The following ACOT7 variants were observed in gnomAD, a reference collection of about 807,000 sequenced individuals.
The protein encoded by ACOT7 is acyl-CoA thioesterase 7.
Under a neutral mutation model 40.2 loss-of-function variants are expected in ACOT7, and 12 were observed. That is an observed-to-expected ratio of 0.30 (90% CI 0.19 to 0.48). The LOEUF (loss-of-function observed/expected upper bound fraction) is 0.48. Among genes scored for constraint, ACOT7 ranks in the 20% least tolerant of loss-of-function variants. The pLI is 0.99. For synonymous variants in ACOT7, 228 were observed against 219.5 expected, an observed-to-expected ratio of 1.04 and a Z score of -0.34; for missense variants, 395 against 530.8, an observed-to-expected ratio of 0.74 and a Z score of 2.51.
intron 1 of ACOT7, among the ~76,000 whole-genome samples, chr1:6,386,261 C>A (rs1642439549): frequency 6.6e-6 from 1 of 152,200 alleles, no homozygotes; most frequent in African/African-American, 2.4e-5. Context: ...CCTGGGCCTA[C>A]CCCTCCCTGA....
intron 8 of ACOT7, among the ~76,000 whole-genome samples, chr1:6,266,681 C>T (rs954559085): frequency 1.3e-5 from 2 of 152,284 alleles, no homozygotes; most frequent in Non-Finnish European, 2.9e-5. Context: ...CCTCCCCTTC[C>T]CCTGTGGAAT....
chr1:6,383,518 T>C (rs185570235), intron 1 of ACOT7, among the ~76,000 whole-genome samples: 1 of 148,902 alleles, frequency 6.7e-6, no homozygotes, highest in African/African-American at 2.5e-5. Flanking sequence ...GTAAATTATA[T>C]ATTATGTGTA....
intron 7 of ACOT7, among the ~76,000 whole-genome samples, chr1:6,293,654 T>C (rs1210137849): frequency 6.6e-6 from 1 of 152,152 alleles, no homozygotes; most frequent in Non-Finnish European, 1.5e-5. Flanking sequence ...TGAGCAGGGA[T>C]TGCACCACTG....
rs139415395 is a variant in ACOT7 at position 6,300,780 on chromosome 1, G to A, written c.713-5800C>T. Among the ~76,000 whole-genome samples the A allele has an allele frequency of 5.6e-3, 810 of 145,406 alleles. 4 individuals carry two copies. The highest frequency in any genetic ancestry group is 8.1e-3 in the Non-Finnish European group (535 of 65,908). On this transcript the variant is annotated intron_variant, in intron 6 of 8. Transcript: ENST00000361521. ...CGGCCCCTCCCCTCTCCACAAACACGGAATCTCACCGGACAGCACCCTATC... is the reference window on the plus strand; with the variant it reads ...CGGCCCCTCCCCTCTCCACAAACACAGAATCTCACCGGACAGCACCCTATC...
chr1:6,368,778 C>T (rs1056074299), intron 1 of ACOT7, among the ~76,000 whole-genome samples: 8 of 152,142 alleles, frequency 5.3e-5, no homozygotes, highest in South Asian at 4.1e-4. Flanking sequence ...GTCAGCTGCC[C>T]GGGGAATGCA....
At position 6,306,482 on chromosome 1, in the gene ACOT7, G is replaced by A; in HGVS notation, c.713-11502C>T. ...CACCATCTCGGGGTTCAAGGTTCAA[G>A]TTCACCAGTCCCCACGTCCCGCTCC... is the stretch of plus-strand genomic sequence containing the variant. On this transcript the variant is annotated intron_variant, in intron 6 of 8. Coordinates refer to ENST00000361521, the MANE Select transcript of ACOT7 (RefSeq NM_007274.4). This position sits in a 1 kb window ranked among gnomAD's most constrained non-coding sequence, Gnocchi z 4.3. 5.1e-6 allele frequency: 5 copies of A among 985,294 alleles called. No homozygotes were observed. Among genetic ancestry groups the A allele is most frequent in the Non-Finnish European group, 6.0e-6 (5 of 829,904 alleles). 61.0% of individuals were successfully genotyped at this position (985,294 alleles called of 1,614,324 possible).
At chr1:6,292,877 C>G (rs1373622764) in intron 7 of ACOT7, among the ~76,000 whole-genome samples, 4 of 144,362 alleles carry the variant, frequency 2.8e-5, no homozygotes, top group Non-Finnish European at 6.0e-5. Flanking sequence ...GCTGGAAAGT[C>G]TATTTCTTTT....
At chr1:6,267,804 C>G (rs1638896169) in intron 8 of ACOT7, among the ~76,000 whole-genome samples, 1 of 152,224 alleles carries the variant, frequency 6.6e-6, no homozygotes, top group Non-Finnish European at 1.5e-5. Flanking sequence ...TCTCTTCATT[C>G]CGCCTGGAAA....
intron 6 of ACOT7, among the ~76,000 whole-genome samples, chr1:6,298,741 GTCTC>G (rs1458168148): frequency 6.6e-6 from 1 of 152,200 alleles, no homozygotes; most frequent in Non-Finnish European, 1.5e-5. Flanking sequence ...GGCTCTCCTG[GTCTC>G]TCTCCCATGG....
chr1:6,384,105 T>G (rs532562478), intron 1 of ACOT7, among the ~76,000 whole-genome samples: 150 of 151,976 alleles, frequency 9.9e-4, no homozygotes, highest in African/African-American at 3.4e-3. Flanking sequence ...ATTAAAAAAT[T>G]TTATCTGAGA....
chr1:6,297,615 T>C (rs1321282911), intron 6 of ACOT7, among the ~76,000 whole-genome samples: 1 of 152,190 alleles, frequency 6.6e-6, no homozygotes, highest in African/African-American at 2.4e-5. Flanking sequence ...TGTGGGCATC[T>C]GGACTCTACC....
rs772551653 is a variant in ACOT7, at chr1:6,281,268, G to A, written c.848C>T (p.Ser283Leu). 199 of 1,613,278 alleles carry A rather than the reference G, an allele frequency of 1.2e-4. No homozygotes were observed. Among genetic ancestry groups the A allele is most frequent in the Non-Finnish European group, 1.6e-4 (194 of 1,179,948 alleles). ...ATTGCTCGTGAAGGTCATGCGTCCC[G>A]AGATGGTGATGACGCAGCCTGTGGA... is the stretch of plus-strand genomic sequence containing the variant. ...KIRKGCVITI[S>L]GRMTFTSNKS... is the part of the protein sequence containing the mutation. The change falls in exon 8 of 9, where the codon TCG becomes TTG. Residue 283 changes from serine to leucine, a missense_variant. Ser to Leu is a moderately radical substitution (Grantham distance 145). Transcript: ENST00000361521.
Position 6,327,221 on chromosome 1 carries a change from C to T in ACOT7, c.625+78G>A, listed in dbSNP as rs112529674. 7.0e-3 allele frequency: 9,967 copies of T among 1,429,070 alleles called. 52 individuals are homozygous for T. Among genetic ancestry groups the T allele is most frequent in the Non-Finnish European group, 8.5e-3 (8,707 of 1,029,300 alleles). 88.5% of individuals were successfully genotyped at this position (1,429,070 alleles called of 1,614,324 possible). A position where few individuals can be genotyped will look rare whatever the true frequency, so the allele number is the denominator to read the frequency against. On this transcript the variant is annotated intron_variant, in intron 5 of 8. Transcript: ENST00000361521. ...TGGGGAACCTCAAGCATGAGGCTCA[C>T]GTAGGCCCGGCCTGCTCCTGCCTCC...
intron 2 of ACOT7, among the ~76,000 whole-genome samples, chr1:6,346,912 G>A (rs979117167): frequency 2.0e-5 from 3 of 152,174 alleles, no homozygotes; most frequent in African/African-American, 2.4e-5. Context: ...CCTGAGCACC[G>A]GGGTGCTGCA....
chr1:6,388,081 C>T (rs1248140173), intron 1 of ACOT7, among the ~76,000 whole-genome samples: 1 of 150,988 alleles, frequency 6.6e-6, no homozygotes, highest in Non-Finnish European at 1.5e-5. Context: ...ACTGGGATTA[C>T]AGGCACCCGC....
chr1:6,267,015 C>T (rs926788421), intron 8 of ACOT7, among the ~76,000 whole-genome samples: 1 of 152,204 alleles, frequency 6.6e-6, no homozygotes, highest in Non-Finnish European at 1.5e-5. Flanking sequence ...CCTGGCCCCT[C>T]GGCTCGGGTC....
intron 1 of ACOT7, among the ~76,000 whole-genome samples, chr1:6,383,926 G>A (rs887603639): frequency 5.9e-5 from 9 of 151,494 alleles, no homozygotes; most frequent in Admixed American, 1.3e-4. Flanking sequence ...GAATGGTCTC[G>A]ATCCCCTGAC....
chr1:6,382,908 C>T (rs1228360159), intron 1 of ACOT7, among the ~76,000 whole-genome samples: 11 of 150,698 alleles, frequency 7.3e-5, no homozygotes, highest in South Asian at 2.1e-4. Context: ...GACAGAGTTT[C>T]GCTCTTGTCA....
intron 6 of ACOT7, among the ~76,000 whole-genome samples, chr1:6,307,522 G>A (rs1007244487): frequency 2.0e-5 from 3 of 152,210 alleles, no homozygotes; most frequent in Non-Finnish European, 4.4e-5. Context: ...CTCATGAGAG[G>A]TCTCTTTCCT....
Sources: gnomAD v4.1 joint callset for allele counts (sites outside exome capture counted in the v4.1 genomes callset) on GRCh38, gnomAD v4.1.1 for gene constraint, Gnocchi (gnomAD v3.1) non-coding constraint, MANE v1.5 for transcripts, NCBI Gene and HGNC (gene_info 2026-07-23, HGNC 2026-07-21) for gene names.